The following MTMR9 variants were observed in gnomAD, a reference collection of about 807,000 sequenced individuals.
The protein encoded by MTMR9 is myotubularin related protein 9.
In MTMR9, 39 loss-of-function variants were observed where a neutral mutation model predicts 69.5. That is an observed-to-expected ratio of 0.56 (90% CI 0.43 to 0.73). MTMR9 has a LOEUF of 0.73. Ranked by LOEUF, MTMR9 falls within the 30% of genes least tolerant of loss-of-function variation. The pLI is 0.00. For missense variants in MTMR9, 900 were observed against 671.2 expected, an observed-to-expected ratio of 1.34 and a Z score of -3.77; for synonymous variants, 354 against 240.8, an observed-to-expected ratio of 1.47 and a Z score of -4.35.
At chr8:11,285,799 T>G (rs906908315) in intron 1 of MTMR9, among the ~76,000 whole-genome samples, 5 of 152,186 alleles carry the variant, frequency 3.3e-5, no homozygotes, top group African/African-American at 1.2e-4. Context: ...GGCTACTCGC[T>G]AGCCAGGAGA....
chr8:11,337,141 C>T, the MTMR9 span, among the ~76,000 whole-genome samples: 3 of 152,298 alleles, frequency 2.0e-5, no homozygotes, highest in South Asian at 2.1e-4. Context: ...ATCACTAGAT[C>T]GCTGAGTAGC....
chr8:11,287,956 A>T (rs2117345581), intron 1 of MTMR9, among the ~76,000 whole-genome samples: 1 of 124,322 alleles, frequency 8.0e-6, no homozygotes, highest in South Asian at 2.3e-4. Flanking sequence ...CATACGTATT[A>T]TATACTATGT....
intron 3 of MTMR9, among the ~76,000 whole-genome samples, chr8:11,303,956 C>T (rs556328624): frequency 3.9e-5 from 6 of 152,112 alleles, no homozygotes; most frequent in Admixed American, 6.6e-5. Flanking sequence ...TCTGTTAGTA[C>T]GTCTAACATA....
In MTMR9 at chr8:11,324,305, G is replaced by T. The variant is rs1236470356; in HGVS notation, c.*1517G>T. 1 of 151,804 alleles carries T rather than the reference G, an allele frequency of 6.6e-6. No homozygotes were observed. Among genetic ancestry groups the T allele is most frequent in the Non-Finnish European group, 1.5e-5 (1 of 68,010 alleles). The allele number at this position is 151,804 out of a possible 1,614,324, so 9.4% of individuals were successfully genotyped here. On this transcript the variant is annotated 3_prime_UTR_variant, in exon 10 of 10. Coordinates refer to ENST00000221086, the MANE Select transcript of MTMR9 (RefSeq NM_015458.4). ...AATTCATCTTTCTTCTGCTTCCTCA[G>T]CCTTGTAGCAAAGGCTACACAGCAG...
chr8:11,322,047 A>T (rs73665050), intron 9 of MTMR9, among the ~76,000 whole-genome samples: 121 of 152,294 alleles, frequency 7.9e-4, no homozygotes, highest in African/African-American at 2.8e-3. Flanking sequence ...TAAAAGGATA[A>T]TTATTATTAT....
Position 11,285,009 on chromosome 8 carries a change from C to T in MTMR9, c.121C>T (p.Arg41Trp), listed in dbSNP as rs1054685760. ...GGGCCACCACTTGATCCTGTCCTCC[C>T]GGCAGGACAATACGGAGGAGCTGTG... ...LTGHHLILSS[R>W]QDNTEELWLL... The change falls in exon 1 of 10, where the codon CGG (arginine) becomes TGG (tryptophan). Residue 41 changes from arginine to tryptophan, a missense_variant. Arg to Trp is a moderately radical substitution (Grantham distance 101, BLOSUM62 -3). Coordinates refer to ENST00000221086, the MANE Select transcript of MTMR9 (RefSeq NM_015458.4). 6.2e-7 allele frequency: 1 copy of T among 1,613,482 alleles called. No individual in the cohort carries two copies. Among genetic ancestry groups the T allele is most frequent in the Non-Finnish European group, 8.5e-7 (1 of 1,179,810 alleles).
chr8:11,299,990 T>C, intron 2 of MTMR9, 33 bp from the exon 3 acceptor site: 1 of 1,598,626 alleles, frequency 6.3e-7, no homozygotes, highest in Non-Finnish European at 8.5e-7. Context: ...TGTGGATGTT[T>C]CTTTTTTGTC....
chr8:11,329,255 A>G (rs990596974), downstream of MTMR9, among the ~76,000 whole-genome samples: 5 of 152,216 alleles, frequency 3.3e-5, no homozygotes, highest in Admixed American at 1.3e-4. Flanking sequence ...TTAGCCAGGC[A>G]TGATGGTGCT....
Position 11,322,717 on chromosome 8 carries a change from G to C in MTMR9, c.1579G>C (p.Ala527Pro). The change falls in exon 10 of 10, where the codon GCA becomes CCA. Residue 527 changes from alanine (A) to proline (P), a missense_variant. Coordinates refer to ENST00000221086, the MANE Select transcript of MTMR9 (RefSeq NM_015458.4). ...NIIEYNKELQ[A>P]KVNILRRQLA... ...CATTGAATATAATAAAGAATTACAA[G>C]CAAAAGTCAATATCCTTCGAAGGCA... 6.2e-7 allele frequency: 1 copy of C among 1,614,094 alleles called. No individual in the cohort carries two copies. The highest frequency in any genetic ancestry group is 8.5e-7 in the Non-Finnish European group (1 of 1,179,970).
chr8:11,332,726 C>T (rs1368241554), downstream of MTMR9, among the ~76,000 whole-genome samples: 1 of 152,086 alleles, frequency 6.6e-6, no homozygotes, highest in Non-Finnish European at 1.5e-5. Context: ...ATCAGCCTCC[C>T]AAGTAGCTGA....
chr8:11,317,968 T>C (rs1301667117), intron 8 of MTMR9: 1 of 151,950 alleles, frequency 6.6e-6, no homozygotes, highest in Non-Finnish European at 1.5e-5. Context: ...TGACATAATA[T>C]CCTCCCCACT....
intron 6 of MTMR9, among the ~76,000 whole-genome samples, chr8:11,313,434 TCTC>T (rs1262394583): frequency 6.6e-6 from 1 of 152,226 alleles, no homozygotes; most frequent in East Asian, 1.9e-4. Context: ...ATCAGGAACT[TCTC>T]CTTTGCATTC....
At chr8:11,305,464 A>C (rs1180496152) in intron 4 of MTMR9, among the ~76,000 whole-genome samples, 2 of 152,350 alleles carry the variant, frequency 1.3e-5, no homozygotes, top group East Asian at 3.9e-4. Flanking sequence ...ACTCTAGTAA[A>C]CACTGGAGTC....
chr8:11,312,158 C>T (rs770032652), intron 6 of MTMR9, among the ~76,000 whole-genome samples: 4 of 152,110 alleles, frequency 2.6e-5, no homozygotes, highest in Admixed American at 6.5e-5. Context: ...GATTCTCCCA[C>T]CTCAGCCTCC....
chr8:11,316,425 G>C, intron 7 of MTMR9: 1 of 342,288 alleles, frequency 2.9e-6, no homozygotes, highest in African/African-American at 2.1e-5. Context: ...TCCAAGGGCA[G>C]TGCAGTTCCT....
intron 7 of MTMR9, 77 bp from the exon 8 acceptor site, chr8:11,316,596 G>A (rs934380986): frequency 1.2e-6 from 1 of 862,230 alleles, no homozygotes; most frequent in Non-Finnish European, 1.8e-6. Context: ...CTGTAATTGT[G>A]TATAGTGGTG....
At chr8:11,338,623 G>T in the MTMR9 span, among the ~76,000 whole-genome samples, 1 of 152,202 alleles carries the variant, frequency 6.6e-6, no homozygotes, top group Non-Finnish European at 1.5e-5. Context: ...CATTCCTATG[G>T]ATGAGACTGG....
rs112790551 is a variant in MTMR9 at position 11,307,134 on chromosome 8, C to T, written c.809+727C>T. ...TCAGCCAGGCTGGAGTGCAGTGGCA[C>T]GATCCCAGCTCACTGCAATCTCTGC... On this transcript the variant is annotated intron_variant, in intron 5 of 9. Coordinates refer to ENST00000221086, the MANE Select transcript of MTMR9 (RefSeq NM_015458.4). 2.3e-3 allele frequency among the ~76,000 whole-genome samples: 347 copies of T among 152,244 alleles called. 2 individuals are homozygous for T. Among genetic ancestry groups the T allele is most frequent in the African/African-American group, 7.2e-3 (301 of 41,554 alleles).
At chr8:11,294,521 G>A (rs577346790) in intron 1 of MTMR9, among the ~76,000 whole-genome samples, 6 of 74,968 alleles carry the variant, frequency 8.0e-5, no homozygotes, top group Admixed American at 7.2e-4. Context: ...TTTTTTTTGA[G>A]ACAGAGTCTC....
Sources: allele counts gnomAD v4.1 joint callset (sites outside exome capture counted in the v4.1 genomes callset), GRCh38; gene constraint gnomAD v4.1.1; transcripts MANE v1.5; gene names NCBI Gene and HGNC (gene_info 2026-07-23, HGNC 2026-07-21).